The following ST6GALNAC3 variants were observed in gnomAD, a reference collection of about 807,000 sequenced individuals.
ST6GALNAC3 encodes the protein alpha-N-acetylgalactosaminide alpha-2,6-sialyltransferase 3.
A neutral mutation model predicts 32.7 loss-of-function variants in ST6GALNAC3; 25 were observed. The observed-to-expected ratio is 0.76, with a 90% CI of 0.56 to 1.07. ST6GALNAC3 has a LOEUF of 1.07. Ranked by LOEUF, ST6GALNAC3 falls within the 50% of genes least tolerant of loss-of-function variation. The pLI is 0.00. For synonymous variants in ST6GALNAC3, 129 were observed against 133.1 expected (o/e 0.97, Z 0.21); for missense variants, 355 against 382.4 (o/e 0.93, Z 0.60).
chr1:76,220,084 G>A (rs1327273839), intron 1 of ST6GALNAC3, among the ~76,000 whole-genome samples: 1 of 152,108 alleles, frequency 6.6e-6, no homozygotes, highest in East Asian at 1.9e-4. Flanking sequence ...CCTATTAATT[G>A]TCTTTTTTGT....
intron 2 of ST6GALNAC3, among the ~76,000 whole-genome samples, chr1:76,357,480 T>G (rs551440519): frequency 3.0e-4 from 46 of 152,326 alleles, no homozygotes; most frequent in Non-Finnish European, 5.4e-4. Flanking sequence ...TTCCTTGTTG[T>G]CTTTATTTGG....
chr1:76,236,399 T>G lies in ST6GALNAC3; in HGVS notation c.19-77406T>G, dbSNP rs568147147. Reference sequence around the variant, plus strand: ...ACCACCTCACATGGTTTGGTGTGGATTAAATGAGTACAAAAATTGCTATGT... The same window carrying G: ...ACCACCTCACATGGTTTGGTGTGGAGTAAATGAGTACAAAAATTGCTATGT... On this transcript the variant is annotated intron_variant, in intron 1 of 4. Transcript: ENST00000328299. Among the ~76,000 whole-genome samples the G allele has an allele frequency of 1.1e-4, 17 of 152,262 alleles. No individual in the cohort carries two copies. In the South Asian group the frequency reaches 3.5e-3, roughly 32 times the overall value.
intron 1 of ST6GALNAC3, among the ~76,000 whole-genome samples, chr1:76,173,202 C>T (rs1652633762): frequency 6.6e-6 from 1 of 152,054 alleles, no homozygotes; most frequent in South Asian, 2.1e-4. Flanking sequence ...ACCATCTGAT[C>T]TTTGACAAAC....
chr1:76,587,488 A>G (rs1646980011), intron 3 of ST6GALNAC3, among the ~76,000 whole-genome samples: 1 of 152,202 alleles, frequency 6.6e-6, no homozygotes, highest in Non-Finnish European at 1.5e-5. Context: ...AGGAGGCTGC[A>G]TTCTGCTGCC....
In ST6GALNAC3 at chr1:76,163,621, A is replaced by G. The variant is rs531328440; in HGVS notation, c.18+88737A>G. 1.4e-4 allele frequency among the ~76,000 whole-genome samples: 21 copies of G among 152,278 alleles called. No homozygotes were observed. The East Asian group carries it at 3.1e-3, about 22-fold the overall frequency. Reference sequence around the variant, plus strand: ...TTGAATGTGTCTTACAATAAATGGCATGTTATAGTTTAATTGGCAGTATTT... The same window carrying G: ...TTGAATGTGTCTTACAATAAATGGCGTGTTATAGTTTAATTGGCAGTATTT... On this transcript the variant is annotated intron_variant, in intron 1 of 4. Coordinates refer to ENST00000328299, the MANE Select transcript of ST6GALNAC3 (RefSeq NM_152996.4).
At chr1:76,261,849 G>T (rs142287736) in intron 1 of ST6GALNAC3, among the ~76,000 whole-genome samples, 251 of 152,256 alleles carry the variant, frequency 1.6e-3, no homozygotes, top group African/African-American at 5.4e-3. Context: ...AACTACTACT[G>T]TTCTGAGCGG....
intron 3 of ST6GALNAC3, among the ~76,000 whole-genome samples, chr1:76,426,955 A>G (rs1009178970): frequency 6.6e-6 from 1 of 152,050 alleles, no homozygotes; most frequent in Admixed American, 6.6e-5. Flanking sequence ...AACCAGGGGA[A>G]CATTGAGGTG....
intron 1 of ST6GALNAC3, among the ~76,000 whole-genome samples, chr1:76,116,758 C>A (rs1648509220): frequency 6.6e-6 from 1 of 152,098 alleles, no homozygotes; most frequent in Non-Finnish European, 1.5e-5. Context: ...TGGCAAAACC[C>A]CGTCTATACT....
chr1:76,097,656 C>T (rs1196187865), intron 1 of ST6GALNAC3, among the ~76,000 whole-genome samples: 2 of 152,098 alleles, frequency 1.3e-5, no homozygotes, highest in African/African-American at 4.8e-5. Flanking sequence ...TGAAGTTCAT[C>T]CATGTTGTGG....
intron 2 of ST6GALNAC3, among the ~76,000 whole-genome samples, chr1:76,399,943 C>T (rs1229593936): frequency 6.6e-6 from 1 of 152,034 alleles, no homozygotes; most frequent in Non-Finnish European, 1.5e-5. Context: ...AAAACTATAA[C>T]AAATTATATA....
chr1:76,576,842 C>T (rs375373250), intron 3 of ST6GALNAC3: 2 of 1,304,668 alleles, frequency 1.5e-6, no homozygotes, highest in African/African-American at 3.0e-5. Flanking sequence ...CCCATGATAT[C>T]CAGTACAGAG....
chr1:76,431,806 A>G (rs1017279583), intron 3 of ST6GALNAC3, among the ~76,000 whole-genome samples: 1 of 152,124 alleles, frequency 6.6e-6, no homozygotes, highest in Non-Finnish European at 1.5e-5. Context: ...TACATTTGTT[A>G]CAACTGATGA....
At chr1:76,499,267 G>A (rs531388828) in intron 3 of ST6GALNAC3, among the ~76,000 whole-genome samples, 15 of 152,242 alleles carry the variant, frequency 9.9e-5, no homozygotes, top group East Asian at 3.9e-4. Context: ...CAGCTTTTCC[G>A]GAAGGGAATT....
intron 3 of ST6GALNAC3, among the ~76,000 whole-genome samples, chr1:76,490,690 G>A (rs947030333): frequency 6.6e-6 from 1 of 151,658 alleles, no homozygotes; most frequent in South Asian, 2.1e-4. Flanking sequence ...AAGTATTCTG[G>A]TCTCTTAAAG....
At chr1:76,246,506 A>ATTGG (rs1418241012) in intron 1 of ST6GALNAC3, among the ~76,000 whole-genome samples, 2 of 152,012 alleles carry the variant, frequency 1.3e-5, no homozygotes, top group African/African-American at 4.8e-5. Context: ...TTATAGTGTC[A>ATTGG]TTGGTTTTTA....
chr1:76,389,435 CA>C (rs889905773), intron 2 of ST6GALNAC3, among the ~76,000 whole-genome samples: 2 of 152,122 alleles, frequency 1.3e-5, no homozygotes, highest in Non-Finnish European at 2.9e-5. Context: ...GGGGTTAACA[CA>C]AGTAGTGAAG....
chr1:76,524,664 A>G (rs1662754158), intron 3 of ST6GALNAC3, among the ~76,000 whole-genome samples: 1 of 151,786 alleles, frequency 6.6e-6, no homozygotes. Context: ...ATTGCTTTTA[A>G]CAATCCAAAT....
chr1:76,455,286 T>C (rs1657695455), intron 3 of ST6GALNAC3, among the ~76,000 whole-genome samples: 1 of 152,174 alleles, frequency 6.6e-6, no homozygotes, highest in African/African-American at 2.4e-5. Context: ...GACATTTGAC[T>C]TTCATTTTGG....
chr1:76,616,935 A>AT (rs1035891360), intron 3 of ST6GALNAC3, among the ~76,000 whole-genome samples: 3 of 152,072 alleles, frequency 2.0e-5, no homozygotes, highest in Non-Finnish European at 4.4e-5. Context: ...GCTGCTTTAT[A>AT]TTTTTTTAAA....
Sources: gnomAD v4.1 joint callset for allele counts (sites outside exome capture counted in the v4.1 genomes callset) on GRCh38, gnomAD v4.1.1 for gene constraint, MANE v1.5 for transcripts, NCBI Gene and HGNC (gene_info 2026-07-23, HGNC 2026-07-21) for gene names.